GRM5: variants seen among roughly 807,000 people sequenced by gnomAD.
GRM5 encodes metabotropic glutamate receptor 5.
In GRM5, 19 loss-of-function variants were observed where a neutral mutation model predicts 83.1. That is an observed-to-expected ratio of 0.23 (90% CI 0.16 to 0.34). GRM5 has a LOEUF of 0.34. GRM5 is among the 10% of genes least tolerant of loss of function. The pLI is 1.00. For missense variants in GRM5, 1,160 were observed against 1,588.3 expected (o/e 0.73, Z 4.58); for synonymous variants, 675 against 633.6 (o/e 1.07, Z -0.98).
intron 2 of GRM5, among the ~76,000 whole-genome samples, chr11:88,917,449 A>T (rs544610655): frequency 6.6e-4 from 100 of 152,310 alleles, no homozygotes; most frequent in African/African-American, 2.3e-3. Flanking sequence ...AACATCCAAA[A>T]GTATTAAGAC....
intron 7 of GRM5, among the ~76,000 whole-genome samples, chr11:88,583,114 GC>G (rs763330960): frequency 0.012 from 1,810 of 145,676 alleles, 17 homozygotes; most frequent in African/African-American, 0.021. Context: ...TTATTAAAAG[GC>G]AAAAAAAAAA....
chr11:88,688,947 A>G (rs977984854), intron 3 of GRM5, among the ~76,000 whole-genome samples: 21 of 152,256 alleles, frequency 1.4e-4, no homozygotes, highest in African/African-American at 5.1e-4. Context: ...TATTGTTATC[A>G]TTAATGTTAA....
chr11:88,682,739 G>C (rs1438293123), intron 3 of GRM5, among the ~76,000 whole-genome samples: 1 of 152,050 alleles, frequency 6.6e-6, no homozygotes, highest in Non-Finnish European at 1.5e-5. Context: ...AGTAAGACAG[G>C]ATATATTAGG....
intron 1 of GRM5, among the ~76,000 whole-genome samples, chr11:89,064,150 C>G (rs1942053355): frequency 6.6e-6 from 1 of 152,162 alleles, no homozygotes; most frequent in Admixed American, 6.5e-5. Context: ...TACTCTAAAA[C>G]CTTCTTCTTG....
At chr11:88,727,188 G>A (rs1302918487) in intron 3 of GRM5, among the ~76,000 whole-genome samples, 1 of 152,172 alleles carries the variant, frequency 6.6e-6, no homozygotes, top group African/African-American at 2.4e-5. Context: ...TAAAGGGATG[G>A]AGGAAGATCT....
At chr11:88,763,579 T>C (rs1358823210) in intron 3 of GRM5, among the ~76,000 whole-genome samples, 2 of 151,836 alleles carry the variant, frequency 1.3e-5, no homozygotes, top group African/African-American at 2.4e-5. Flanking sequence ...ATGTGTAAAA[T>C]TGTAATGGTA....
At chr11:89,032,744 A>G (rs994614955) in intron 2 of GRM5, among the ~76,000 whole-genome samples, 7 of 152,100 alleles carry the variant, frequency 4.6e-5, no homozygotes, top group African/African-American at 1.7e-4. Context: ...GGACCAGCAA[A>G]TAAGATAACA....
intron 3 of GRM5, among the ~76,000 whole-genome samples, chr11:88,807,389 T>C (rs770342253): frequency 6.6e-6 from 1 of 152,164 alleles, no homozygotes; most frequent in Non-Finnish European, 1.5e-5. Flanking sequence ...TAAAATCTTG[T>C]CACTTTATTT....
At chr11:88,642,065 G>T (rs1297602629) in intron 4 of GRM5, among the ~76,000 whole-genome samples, 1 of 152,110 alleles carries the variant, frequency 6.6e-6, no homozygotes, top group African/African-American at 2.4e-5. Context: ...TTCTGCTTGG[G>T]CACCCAGTTT....
At chr11:88,544,540 C>A (rs934473206) in intron 8 of GRM5, among the ~76,000 whole-genome samples, 2 of 152,180 alleles carry the variant, frequency 1.3e-5, no homozygotes, top group Non-Finnish European at 2.9e-5. Context: ...GCTTTCTCCC[C>A]ACTCCTGTGA....
intron 3 of GRM5, among the ~76,000 whole-genome samples, chr11:88,741,970 C>A (rs1499174): frequency 1.3e-5 from 2 of 152,082 alleles, no homozygotes; most frequent in Non-Finnish European, 2.9e-5. Flanking sequence ...AGCAAGATAT[C>A]TACCCCAGTA....
At chr11:88,852,237 T>C (rs1487698652) in intron 2 of GRM5, among the ~76,000 whole-genome samples, 2 of 152,190 alleles carry the variant, frequency 1.3e-5, no homozygotes, top group Non-Finnish European at 2.9e-5. Context: ...GTTTATATAA[T>C]ATGTTGTAGA....
At chr11:88,710,306 A>G (rs1175696070) in intron 3 of GRM5, among the ~76,000 whole-genome samples, 2 of 152,130 alleles carry the variant, frequency 1.3e-5, no homozygotes, top group African/African-American at 4.8e-5. Context: ...AGTCTCCACC[A>G]CATCCGTTAA....
chr11:89,057,631 C>A (rs1246844754), intron 1 of GRM5, among the ~76,000 whole-genome samples: 1 of 152,142 alleles, frequency 6.6e-6, no homozygotes, highest in Admixed American at 6.5e-5. Context: ...ATGATGCAAT[C>A]CACTGTTAAC....
intron 3 of GRM5, among the ~76,000 whole-genome samples, chr11:88,834,219 T>A (rs944100227): frequency 6.6e-6 from 1 of 152,068 alleles, no homozygotes; most frequent in East Asian, 1.9e-4. Context: ...TAAAAAAAAA[T>A]CATGTGTACC....
chr11:88,581,248 A>G lies in GRM5; in HGVS notation c.1690+9353T>C, dbSNP rs867662920. Among the ~76,000 whole-genome samples, 27 of 152,372 alleles carry G rather than the reference A, an allele frequency of 1.8e-4. No homozygotes were observed. The Middle Eastern group carries it at 0.01, about 58-fold the overall frequency. ...TTCATCACTATATTTTAAAAACTTT[A>G]TTAACAGTAGAGTGATAATAGTATT... is the stretch of plus-strand genomic sequence containing the variant. On this transcript the variant is annotated intron_variant, in intron 7 of 9. Coordinates refer to ENST00000305447, the MANE Select transcript of GRM5 (RefSeq NM_001143831.3).
At chr11:88,730,244 A>G (rs906140750) in intron 3 of GRM5, among the ~76,000 whole-genome samples, 1 of 152,120 alleles carries the variant, frequency 6.6e-6, no homozygotes, top group African/African-American at 2.4e-5. Flanking sequence ...CTCAAAAGAC[A>G]TTTATGCGGC....
chr11:88,963,315 T>C (rs1193922707), intron 2 of GRM5, among the ~76,000 whole-genome samples: 1 of 152,224 alleles, frequency 6.6e-6, no homozygotes, highest in South Asian at 2.1e-4. Flanking sequence ...AGTAATAAAA[T>C]TACGAATTAA....
At chr11:88,684,148 C>A (rs1296905981) in intron 3 of GRM5, among the ~76,000 whole-genome samples, 1 of 152,138 alleles carries the variant, frequency 6.6e-6, no homozygotes, top group Non-Finnish European at 1.5e-5. Flanking sequence ...GAAGGAAGAA[C>A]ATTGCGGCTG....
Sources: allele counts gnomAD v4.1 joint callset (sites outside exome capture counted in the v4.1 genomes callset), GRCh38; gene constraint gnomAD v4.1.1; transcripts MANE v1.5; gene names NCBI Gene and HGNC (gene_info 2026-07-23, HGNC 2026-07-21).